NPLOC4: variants seen among roughly 807,000 people sequenced by gnomAD.
NPLOC4 encodes the protein nuclear protein localization protein 4 homolog.
NPLOC4 carries 18 observed loss-of-function variants against 80.6 expected under a neutral mutation model. That is an observed-to-expected ratio of 0.22 (90% CI 0.15 to 0.33). The LOEUF (loss-of-function observed/expected upper bound fraction) is 0.33. NPLOC4 is among the 10% of genes least tolerant of loss of function. NPLOC4 has a pLI of 1.00. For missense variants in NPLOC4, 540 were observed against 786.1 expected (o/e 0.69, Z 3.74); for synonymous variants, 313 against 301.5 (o/e 1.04, Z -0.39).
At chr17:81,573,843 C>A (rs888863588) in intron 12 of NPLOC4, among the ~76,000 whole-genome samples, 1 of 152,220 alleles carries the variant, frequency 6.6e-6, no homozygotes, top group African/African-American at 2.4e-5. Context: ...TACATTCCTG[C>A]AAATACACAG....
At chr17:81,597,016 G>C (rs1354849954) in intron 10 of NPLOC4, among the ~76,000 whole-genome samples, 1 of 152,202 alleles carries the variant, frequency 6.6e-6, no homozygotes, top group Non-Finnish European at 1.5e-5. Flanking sequence ...CTGAGGCTGA[G>C]GCAGGAGAAT....
chr17:81,634,193 G>A (rs1026940481), intron 1 of NPLOC4, among the ~76,000 whole-genome samples: 2 of 151,858 alleles, frequency 1.3e-5, no homozygotes, highest in Non-Finnish European at 2.9e-5. Flanking sequence ...TAGTAAAGAC[G>A]TGGTTTCACC....
Position 81,633,332 on chromosome 17 carries a change from TGA to T in NPLOC4, c.16-3529_16-3528del, listed in dbSNP as rs1491581219. Reference sequence around the variant, plus strand: ...CTCTGTTCTAATGAAGGGGAACATGTGAATGTTCCTTCAAACGATGACTCTGG... The same window carrying T: ...CTCTGTTCTAATGAAGGGGAACATGTATGTTCCTTCAAACGATGACTCTGG... On this transcript the variant is annotated intron_variant, in intron 1 of 16. Transcript: ENST00000331134. Among the ~76,000 whole-genome samples the T allele has an allele frequency of 7.2e-5, 11 of 151,832 alleles. No homozygotes were observed. The South Asian group carries it at 2.1e-3, about 29-fold the overall frequency.
chr17:81,624,789 C>G (rs2035755993), intron 2 of NPLOC4, among the ~76,000 whole-genome samples: 1 of 152,124 alleles, frequency 6.6e-6, no homozygotes, highest in Non-Finnish European at 1.5e-5. Context: ...GGTAAGCCCG[C>G]CACACGCGAG....
chr17:81,570,654 T>C (rs2034137932), intron 13 of NPLOC4, among the ~76,000 whole-genome samples: 2 of 152,218 alleles, frequency 1.3e-5, no homozygotes, highest in South Asian at 4.1e-4. Context: ...AGCCAGATGA[T>C]GCCCCCAGAA....
chr17:81,579,589 G>C (rs1296859704), intron 12 of NPLOC4, among the ~76,000 whole-genome samples: 2 of 151,956 alleles, frequency 1.3e-5, no homozygotes, highest in Non-Finnish European at 2.9e-5. Flanking sequence ...GCTCCTGCCA[G>C]CTCCACCCAC....
At chr17:81,587,793 C>T (rs531197224) in intron 12 of NPLOC4, among the ~76,000 whole-genome samples, 117 of 150,308 alleles carry the variant, frequency 7.8e-4, no homozygotes, top group Middle Eastern at 3.4e-3. Flanking sequence ...CTCAGCCTCC[C>T]GAGTAGCTGG....
intron 2 of NPLOC4, among the ~76,000 whole-genome samples, chr17:81,629,094 G>C (rs2035869233): frequency 6.6e-6 from 1 of 151,702 alleles, no homozygotes; most frequent in Non-Finnish European, 1.5e-5. Flanking sequence ...TAGCCAGGAT[G>C]GTCTCAATCT....
At chr17:81,562,289 A>G (rs11150798) in intron 16 of NPLOC4, 35,276 of 152,026 alleles carry the variant, frequency 0.23, 4,369 homozygotes, top group Admixed American at 0.3. Context: ...CTATAATCCC[A>G]GCACTTTGGG....
At chr17:81,616,252 C>T (rs1311888288) in intron 3 of NPLOC4, among the ~76,000 whole-genome samples, 3 of 141,792 alleles carry the variant, frequency 2.1e-5, no homozygotes, top group South Asian at 2.3e-4. Flanking sequence ...ACCCAGGAGG[C>T]GGAGCTTGCA....
intron 14 of NPLOC4, chr17:81,568,068 G>A (rs2034058785): frequency 8.4e-6 from 1 of 119,152 alleles, no homozygotes; most frequent in Admixed American, 1.0e-4. Flanking sequence ...GATAGAGTGA[G>A]ACTCTGTCTT....
Position 81,606,740 on chromosome 17 carries a change from T to C in NPLOC4, c.605A>G (p.Asn202Ser), listed in dbSNP as rs762219205. 3.7e-6 allele frequency: 6 copies of C among 1,613,866 alleles called. No homozygotes were observed. Among genetic ancestry groups the C allele is most frequent in the Non-Finnish European group, 5.1e-6 (6 of 1,179,880 alleles). The change falls in exon 7 of 17, where the codon AAT becomes AGT. Residue 202 changes from asparagine (N) to serine (S), a missense_variant. By Grantham distance (46) the Asn-to-Ser change is conservative. This residue lies in a region of NPLOC4 where 61 missense variants were observed against 156.7 expected (regional missense o/e 0.39). Transcript: ENST00000331134. ...SGCEGHLPWPNGICTKCQPSA... is the reference protein window; with the variant it reads ...SGCEGHLPWPSGICTKCQPSA... ...CGGCTGGCACTTAGTACAGATGCCA[T>C]TCGGCCACGGGAGGTGCCCCTCGCA...
At chr17:81,618,031 C>A (rs965275331) in intron 3 of NPLOC4, among the ~76,000 whole-genome samples, 1 of 152,214 alleles carries the variant, frequency 6.6e-6, no homozygotes, top group Non-Finnish European at 1.5e-5. Flanking sequence ...CAGCCGCCTG[C>A]CTTGGCCTCC....
chr17:81,589,240 T>A, intron 11 of NPLOC4, 136 bp from the exon 12 acceptor site: 1 of 746,656 alleles, frequency 1.3e-6, no homozygotes, highest in Non-Finnish European at 2.1e-6. Context: ...TAAAAAATGT[T>A]CAGTAGTCGG....
At chr17:81,588,785 C>T (rs1008607826) in intron 12 of NPLOC4, among the ~76,000 whole-genome samples, 159 bp downstream of exon 12, 1 of 152,228 alleles carries the variant, frequency 6.6e-6, no homozygotes, top group Admixed American at 6.5e-5. Context: ...TAGCGAATAT[C>T]CAGCCCCAGA....
intron 3 of NPLOC4, among the ~76,000 whole-genome samples, chr17:81,616,010 A>T (rs2035473945): frequency 6.6e-6 from 1 of 152,116 alleles, no homozygotes; most frequent in African/African-American, 2.4e-5. Context: ...GCAAATGCAA[A>T]CCTCTGTAGA....
At chr17:81,574,386 G>A (rs1242229872) in intron 12 of NPLOC4, among the ~76,000 whole-genome samples, 1 of 152,036 alleles carries the variant, frequency 6.6e-6, no homozygotes, top group Non-Finnish European at 1.5e-5. Flanking sequence ...TTCCTCCCTG[G>A]GGAAACAGGT....
chr17:81,623,690 C>T (rs1269799863), intron 2 of NPLOC4, among the ~76,000 whole-genome samples: 4 of 150,710 alleles, frequency 2.7e-5, no homozygotes, highest in Non-Finnish European at 5.9e-5. Context: ...CCCAGCTACT[C>T]GGGAGGCTGA....
intron 16 of NPLOC4, chr17:81,564,119 A>ACACACAG: frequency 6.1e-6 from 1 of 164,656 alleles, no homozygotes; most frequent in Non-Finnish European, 1.3e-5. Flanking sequence ...CACACACACA[A>ACACACAG]AGAGCAGGGC....
Sources: gnomAD v4.1 joint callset for allele counts (sites outside exome capture counted in the v4.1 genomes callset) on GRCh38, gnomAD v4.1.1 for gene constraint, gnomAD v4.1.1 regional missense constraint, MANE v1.5 for transcripts, NCBI Gene and HGNC (gene_info 2026-07-23, HGNC 2026-07-21) for gene names.